GRIA1: variants seen among roughly 807,000 people sequenced by gnomAD.
The protein encoded by GRIA1 is glutamate ionotropic receptor AMPA type subunit 1, also known as glutamate receptor 1.
GRIA1 carries 31 observed loss-of-function variants against 99.2 expected under a neutral mutation model. That is an observed-to-expected ratio of 0.31 (90% confidence interval 0.23 to 0.42). GRIA1 has a LOEUF of 0.42. Ranked by LOEUF, GRIA1 falls within the 10% of genes least tolerant of loss-of-function variation. GRIA1 has a pLI of 1.00. For synonymous variants in GRIA1, 438 were observed against 432.4 expected (o/e 1.01, Z -0.16); for missense variants, 782 against 1,157.5 (o/e 0.68, Z 4.71).
intron 7 of GRIA1, 126 bp downstream of exon 7, chr5:153,677,287 C>A (rs975515437): frequency 8.4e-5 from 59 of 699,488 alleles, no homozygotes; most frequent in Non-Finnish European, 1.1e-4. Context: ...ACAACCACTG[C>A]ATTGTTGGTG....
At chr5:153,592,442 C>A (rs973058339) in intron 2 of GRIA1, among the ~76,000 whole-genome samples, 1 of 152,052 alleles carries the variant, frequency 6.6e-6, no homozygotes, top group African/African-American at 2.4e-5. Flanking sequence ...ATCACTTTAT[C>A]TCTTGTATCC....
intron 3 of GRIA1, 120 bp from the exon 4 acceptor site, chr5:153,650,210 C>G (rs962854409): frequency 2.7e-6 from 2 of 737,502 alleles, no homozygotes; most frequent in Non-Finnish European, 2.2e-6. Flanking sequence ...AAAACTAGAA[C>G]TGAGTTTGGC....
At position 153,492,161 on chromosome 5, in the gene GRIA1, G is replaced by C. The variant is rs3828595; in HGVS notation, c.82+1191G>C. On this transcript the variant is annotated intron_variant, in intron 1 of 15. Transcript: ENST00000285900. Reference sequence around the variant, plus strand: ...TGCTCTTTTGTGAGTGTGTGTTTGAGGGGGGATGTGGTGCAATTGATATTT... The same window carrying C: ...TGCTCTTTTGTGAGTGTGTGTTTGACGGGGGATGTGGTGCAATTGATATTT... 45 of 1,492,300 alleles carry C rather than the reference G, an allele frequency of 3.0e-5. No homozygotes were observed. In the East Asian group the frequency reaches 9.5e-4, roughly 31 times the overall value. The allele number at this position is 1,492,300 out of a possible 1,614,324, so 92.4% of individuals were successfully genotyped here. A position where few individuals can be genotyped will look rare whatever the true frequency, so the allele number is the denominator to read the frequency against.
At chr5:153,715,449 C>T (rs2149532546) in intron 11 of GRIA1, among the ~76,000 whole-genome samples, 1 of 152,126 alleles carries the variant, frequency 6.6e-6, no homozygotes, top group African/African-American at 2.4e-5. Context: ...TGCAGCAGGG[C>T]CGGCTGGGAT....
At chr5:153,572,861 C>T (rs932134010) in intron 2 of GRIA1, among the ~76,000 whole-genome samples, 94 of 152,278 alleles carry the variant, frequency 6.2e-4, no homozygotes, top group Admixed American at 5.6e-3. Flanking sequence ...CTAGGCTGAG[C>T]GCATTCTATT....
intron 5 of GRIA1, among the ~76,000 whole-genome samples, chr5:153,672,307 G>A (rs534207933): frequency 3.7e-4 from 57 of 152,328 alleles, no homozygotes; most frequent in Admixed American, 1.4e-3. Context: ...GCAGGTAGGC[G>A]GAGTAGCCAG....
intron 2 of GRIA1, among the ~76,000 whole-genome samples, chr5:153,529,227 C>G (rs1757881650): frequency 6.6e-6 from 1 of 152,166 alleles, no homozygotes; most frequent in South Asian, 2.1e-4. Flanking sequence ...AGGGCTGTCC[C>G]TTGAGGAATA....
intron 5 of GRIA1, among the ~76,000 whole-genome samples, chr5:153,666,386 T>G (rs1033546741): frequency 1.3e-5 from 2 of 152,122 alleles, no homozygotes; most frequent in African/African-American, 4.8e-5. Flanking sequence ...TGCTGTGTGG[T>G]TCACATTTCA....
intron 11 of GRIA1, among the ~76,000 whole-genome samples, chr5:153,708,947 T>A (rs981031307): frequency 2.6e-5 from 4 of 152,224 alleles, no homozygotes; most frequent in Non-Finnish European, 4.4e-5. Context: ...CAACCTTGGT[T>A]AACCCCAGAG....
chr5:153,690,319 G>A (rs1253785910), intron 8 of GRIA1, among the ~76,000 whole-genome samples: 1 of 151,904 alleles, frequency 6.6e-6, no homozygotes. Context: ...CACTGACAGG[G>A]TGGCTAAGAG....
intron 2 of GRIA1, among the ~76,000 whole-genome samples, chr5:153,637,084 T>G (rs1355910523): frequency 1.3e-5 from 2 of 152,190 alleles, no homozygotes; most frequent in Non-Finnish European, 2.9e-5. Flanking sequence ...AAAATGCATG[T>G]GAAGTGCCAA....
intron 13 of GRIA1, among the ~76,000 whole-genome samples, chr5:153,779,365 C>T (rs1764487778): frequency 6.6e-6 from 1 of 152,162 alleles, no homozygotes; most frequent in Non-Finnish European, 1.5e-5. Context: ...GCATCACTGC[C>T]TTAAAAGGTG....
Position 153,811,353 on chromosome 5 carries a change from T to C in GRIA1, c.*128T>C, listed in dbSNP as rs111613316. On this transcript the variant is annotated 3_prime_UTR_variant, in exon 16 of 16. Transcript: ENST00000285900. The stretch of plus-strand genomic sequence containing the variant: ...CCAACCACTGCGACCACAAGAAGGA[T>C]GATTCAACAGGTTTTCCTGAAGAAT... 6.5e-5 allele frequency: 43 copies of C among 662,248 alleles called. No homozygotes were observed. The African/African-American group carries it at 7.5e-4, about 12-fold the overall frequency. The allele number at this position is 662,248 out of a possible 1,614,324, so 41.0% of individuals were successfully genotyped here. A position where few individuals can be genotyped will look rare whatever the true frequency, so the allele number is the denominator to read the frequency against.
intron 8 of GRIA1, among the ~76,000 whole-genome samples, chr5:153,689,976 C>T (rs1227516779): frequency 6.6e-6 from 1 of 152,206 alleles, no homozygotes; most frequent in East Asian, 1.9e-4. Context: ...AAGACTTGCT[C>T]TTCATCAAGA....
intron 2 of GRIA1, among the ~76,000 whole-genome samples, chr5:153,613,886 C>T (rs971585085): frequency 6.6e-6 from 1 of 152,216 alleles, no homozygotes; most frequent in Non-Finnish European, 1.5e-5. Flanking sequence ...AGTGCCACGT[C>T]CCCCATCAGC....
chr5:153,705,832 T>A lies in GRIA1; in HGVS notation c.1588T>A (p.Ser530Thr). ...KPQKSKPGVF[S>T]FLDPLAYEIW... ...ACAGAAATCCAAGCCGGGTGTCTTCTCCTTCCTTGATCCTTTGGCTTATGA... is the reference window on the plus strand; with the variant it reads ...ACAGAAATCCAAGCCGGGTGTCTTCACCTTCCTTGATCCTTTGGCTTATGA... The change falls in exon 11 of 16, where the codon TCC becomes ACC. Residue 530 changes from serine to threonine, a missense_variant. Around this residue, in one of 5 missense-constraint regions of GRIA1, gnomAD observed 87 missense variants for 184.5 expected, o/e 0.47. Coordinates refer to ENST00000285900, the MANE Select transcript of GRIA1 (RefSeq NM_000827.4). The A allele has an allele frequency of 1.9e-6, 3 of 1,614,074 alleles. No homozygotes were observed. Among genetic ancestry groups the A allele is most frequent in the Non-Finnish European group, 2.5e-6 (3 of 1,180,016 alleles).
intron 13 of GRIA1, among the ~76,000 whole-genome samples, chr5:153,785,804 A>G (rs1466386): frequency 0.25 from 38,476 of 152,084 alleles, 6,485 homozygotes; most frequent in East Asian, 0.91. Context: ...CATCCCAACA[A>G]ATCATACTTT....
At chr5:153,501,366 T>C (rs886167000) in intron 2 of GRIA1, among the ~76,000 whole-genome samples, 5 of 152,136 alleles carry the variant, frequency 3.3e-5, no homozygotes, top group Non-Finnish European at 7.4e-5. Context: ...TATGAAAGCA[T>C]ATACAAAGGA....
chr5:153,553,324 G>A (rs1481191424), intron 2 of GRIA1, among the ~76,000 whole-genome samples: 7 of 152,138 alleles, frequency 4.6e-5, no homozygotes, highest in African/African-American at 9.7e-5. Context: ...GAAAGAATTC[G>A]AATGAGAGGC....
Sources: allele counts gnomAD v4.1 joint callset (sites outside exome capture counted in the v4.1 genomes callset), GRCh38; gene constraint gnomAD v4.1.1; regional missense constraint gnomAD v4.1.1; transcripts MANE v1.5; gene names NCBI Gene and HGNC (gene_info 2026-07-23, HGNC 2026-07-21).